Variants in GMDS observed in about 807,000 individuals in gnomAD.
The protein encoded by GMDS is GDP-mannose 4,6-dehydratase.
GMDS carries 20 observed loss-of-function variants against 49.9 expected under a neutral mutation model. The ratio of observed to expected loss-of-function variants is 0.40; its 90% confidence interval spans 0.28 to 0.58. The LOEUF (loss-of-function observed/expected upper bound fraction) is 0.58. Ranked by LOEUF, GMDS falls within the 20% of genes least tolerant of loss-of-function variation. GMDS has a pLI of 0.42. For synonymous variants in GMDS, 177 were observed against 178.6 expected (o/e 0.99, Z 0.07); for missense variants, 362 against 481.4 (o/e 0.75, Z 2.32).
chr6:2,173,426 G>C (rs1778117051), intron 1 of GMDS, among the ~76,000 whole-genome samples: 1 of 152,202 alleles, frequency 6.6e-6, no homozygotes, highest in Admixed American at 6.5e-5. Context: ...ACTAATACCA[G>C]ATGCTTCCAT....
intron 7 of GMDS, among the ~76,000 whole-genome samples, chr6:1,806,148 A>T: frequency 6.6e-6 from 1 of 152,264 alleles, no homozygotes; most frequent in Admixed American, 6.5e-5. Context: ...AAAAGCTTTA[A>T]AAAGGTATCT....
intron 1 of GMDS, among the ~76,000 whole-genome samples, chr6:2,146,641 A>T (rs1776573766): frequency 6.6e-6 from 1 of 152,004 alleles, no homozygotes; most frequent in Non-Finnish European, 1.5e-5. Flanking sequence ...CTTCTTTTGT[A>T]CTCTGTATTC....
intron 9 of GMDS, 41 bp from the exon 10 acceptor site, chr6:1,624,581 G>T: frequency 1.4e-6 from 2 of 1,422,634 alleles, no homozygotes; most frequent in South Asian, 1.2e-5. Context: ...CGTGGGTCGT[G>T]GGGGTGGGGG....
At chr6:1,691,187 G>A (rs1456486141) in intron 9 of GMDS, among the ~76,000 whole-genome samples, 1 of 152,156 alleles carries the variant, frequency 6.6e-6, no homozygotes, top group Admixed American at 6.5e-5. Flanking sequence ...ACATAAAAAG[G>A]AATGAGTTCA....
At chr6:2,190,958 A>G (rs1778986976) in intron 1 of GMDS, among the ~76,000 whole-genome samples, 1 of 151,912 alleles carries the variant, frequency 6.6e-6, no homozygotes, top group African/African-American at 2.4e-5. Flanking sequence ...GTGGCTCCGG[A>G]CCCTAGCCCC....
chr6:1,714,801 T>TGCCAAGACACA (rs931477143), intron 9 of GMDS, among the ~76,000 whole-genome samples: 1 of 152,268 alleles, frequency 6.6e-6, no homozygotes, highest in Admixed American at 6.5e-5. Context: ...TGATGCTGTC[T>TGCCAAGACACA]GCCAAGACTT....
chr6:1,893,075 C>T (rs1422174086), intron 7 of GMDS, among the ~76,000 whole-genome samples: 1 of 152,194 alleles, frequency 6.6e-6, no homozygotes, highest in African/African-American at 2.4e-5. Context: ...TGCAGCTTCC[C>T]CATCCACCTC....
chr6:2,242,344 T>C (rs922932188), intron 1 of GMDS, among the ~76,000 whole-genome samples: 4 of 152,194 alleles, frequency 2.6e-5, no homozygotes. Context: ...GAGACAGCAA[T>C]GCAAAGCCAG....
intron 7 of GMDS, among the ~76,000 whole-genome samples, chr6:1,820,470 G>C (rs1280269384): frequency 6.6e-6 from 1 of 152,050 alleles, no homozygotes; most frequent in Non-Finnish European, 1.5e-5. Flanking sequence ...TCTGACTAAT[G>C]GTTATTTATG....
chr6:2,040,150 T>G, intron 4 of GMDS, among the ~76,000 whole-genome samples: 2 of 152,176 alleles, frequency 1.3e-5, no homozygotes, highest in East Asian at 3.9e-4. Context: ...TGGCTCCTCA[T>G]TGCCCAAGTG....
chr6:1,983,509 T>C (rs958651328), intron 4 of GMDS, among the ~76,000 whole-genome samples: 7 of 151,948 alleles, frequency 4.6e-5, no homozygotes, highest in Admixed American at 1.3e-4. Context: ...CCATCATCCA[T>C]TAGGAACTTA....
rs1449614322 is a variant in GMDS at position 2,227,224 on chromosome 6, A to G, written c.102+18097T>C. Among the ~76,000 whole-genome samples, 3 of 152,122 alleles carry G rather than the reference A, an allele frequency of 2.0e-5. No individual in the cohort carries two copies. In the East Asian group the frequency reaches 5.8e-4, roughly 29 times the overall value. ...TATATATGTCATATATATATATAAAATGTTTCAAGTCACTACTACGGTCCC... is the reference window on the plus strand; with the variant it reads ...TATATATGTCATATATATATATAAAGTGTTTCAAGTCACTACTACGGTCCC... On this transcript the variant is annotated intron_variant, in intron 1 of 10. Coordinates refer to ENST00000380815, the MANE Select transcript of GMDS (RefSeq NM_001500.4).
chr6:2,128,464 C>T (rs1255987324), intron 1 of GMDS, among the ~76,000 whole-genome samples: 1 of 152,074 alleles, frequency 6.6e-6, no homozygotes, highest in Non-Finnish European at 1.5e-5. Flanking sequence ...TGTGAGCCAC[C>T]CATCCTACTC....
intron 7 of GMDS, among the ~76,000 whole-genome samples, chr6:1,830,513 G>A (rs899825103): frequency 1.3e-5 from 2 of 152,136 alleles, no homozygotes; most frequent in African/African-American, 2.4e-5. Flanking sequence ...ATAGTACAGG[G>A]GTTCAATGTA....
intron 7 of GMDS, among the ~76,000 whole-genome samples, chr6:1,828,910 C>A (rs900134930): frequency 6.6e-6 from 1 of 152,194 alleles, no homozygotes; most frequent in Admixed American, 6.5e-5. Flanking sequence ...AAAAACTTAA[C>A]TACTAATTCC....
intron 9 of GMDS, among the ~76,000 whole-genome samples, chr6:1,703,999 G>A (rs1765632045): frequency 6.6e-6 from 1 of 152,156 alleles, no homozygotes; most frequent in Non-Finnish European, 1.5e-5. Context: ...TGTGCACCCT[G>A]ACTTTCTAAG....
In GMDS at chr6:1,945,485, C is replaced by T. The variant is rs894793976; in HGVS notation, c.643+14382G>A. 3.9e-5 allele frequency among the ~76,000 whole-genome samples: 6 copies of T among 152,074 alleles called. No homozygotes were observed. In the South Asian group the frequency reaches 8.3e-4, roughly 21 times the overall value. ...CACATACTGACAACAGACCATAATA[C>T]GCAAGGAGATAAAGTTTCACACTTT... is the stretch of plus-strand genomic sequence containing the variant. On this transcript the variant is annotated intron_variant, in intron 6 of 10. Coordinates refer to ENST00000380815, the MANE Select transcript of GMDS (RefSeq NM_001500.4).
chr6:2,123,547 A>G (rs774489437), intron 2 of GMDS, among the ~76,000 whole-genome samples: 1 of 152,240 alleles, frequency 6.6e-6, no homozygotes, highest in Non-Finnish European at 1.5e-5. Context: ...TCCTTTTAAC[A>G]GATATTAAGG....
intron 2 of GMDS, among the ~76,000 whole-genome samples, chr6:2,121,265 A>G (rs977090536): frequency 2.0e-5 from 3 of 152,232 alleles, no homozygotes; most frequent in Non-Finnish European, 4.4e-5. Context: ...AGCAATGTGT[A>G]GAATTAAGTG....
Sources: gnomAD v4.1 joint callset for allele counts (sites outside exome capture counted in the v4.1 genomes callset) on GRCh38, gnomAD v4.1.1 for gene constraint, MANE v1.5 for transcripts, NCBI Gene and HGNC (gene_info 2026-07-23, HGNC 2026-07-21) for gene names.